Variants in SH3BP5 observed in about 807,000 individuals in gnomAD.
The protein encoded by SH3BP5 is SH3 domain-binding protein 5.
SH3BP5 carries 22 observed loss-of-function variants against 43.3 expected under a neutral mutation model. That is an observed-to-expected ratio of 0.51 (90% CI 0.36 to 0.73). The LOEUF is 0.73. SH3BP5 is among the 30% of genes least tolerant of loss of function. The pLI is 0.00. For synonymous variants in SH3BP5, 255 were observed against 225.8 expected, an observed-to-expected ratio of 1.13 and a Z score of -1.16; for missense variants, 529 against 586.9, an observed-to-expected ratio of 0.90 and a Z score of 1.02.
chr3:15,290,814 A>G (rs1697391731), intron 3 of SH3BP5, among the ~76,000 whole-genome samples: 1 of 152,216 alleles, frequency 6.6e-6, no homozygotes, highest in Non-Finnish European at 1.5e-5. Flanking sequence ...ATGAGAAGGT[A>G]AACTCCCCCC....
At chr3:15,265,998 T>A (rs752114859) in intron 4 of SH3BP5, among the ~76,000 whole-genome samples, 1 of 152,204 alleles carries the variant, frequency 6.6e-6, no homozygotes, top group South Asian at 2.1e-4. Flanking sequence ...ACCGGCTTAG[T>A]AGACATCCAC....
At chr3:15,270,397 C>G (rs1373153958) in intron 3 of SH3BP5, among the ~76,000 whole-genome samples, 1 of 152,174 alleles carries the variant, frequency 6.6e-6, no homozygotes, top group East Asian at 1.9e-4. Flanking sequence ...CAGACTCCAG[C>G]CAGTATGAGT....
chr3:15,264,299 AATGAAG>A (rs1311845003), intron 4 of SH3BP5: 1 of 151,468 alleles, frequency 6.6e-6, no homozygotes, highest in Non-Finnish European at 1.5e-5. Context: ...TTTCCAGAGA[AATGAAG>A]ATGAACTGTG....
chr3:15,256,066 C>T lies in SH3BP5; in HGVS notation c.*20G>A, dbSNP rs143624984. 4.6e-5 allele frequency: 73 copies of T among 1,578,050 alleles called. No individual in the cohort carries two copies. Among genetic ancestry groups the T allele is most frequent in the Middle Eastern group, 3.4e-4 (2 of 5,950 alleles). ...CATGTATAAATGTTGATATGCACATCGGCCAGGGCCCAGGATGAATCAGCC... is the reference window on the plus strand; with the variant it reads ...CATGTATAAATGTTGATATGCACATTGGCCAGGGCCCAGGATGAATCAGCC... On this transcript the variant is annotated 3_prime_UTR_variant, in exon 9 of 9. Transcript: ENST00000383791.
chr3:15,307,127 C>T (rs1343907133), intron 2 of SH3BP5, among the ~76,000 whole-genome samples: 1 of 152,182 alleles, frequency 6.6e-6, no homozygotes, highest in Non-Finnish European at 1.5e-5. Context: ...AAAGCTTTAC[C>T]TCCCATGGGA....
chr3:15,307,754 C>T (rs1464636722), intron 2 of SH3BP5, among the ~76,000 whole-genome samples: 2 of 152,234 alleles, frequency 1.3e-5, no homozygotes, highest in Non-Finnish European at 2.9e-5. Context: ...AAGATGCACT[C>T]GCATGCATGA....
intron 1 of SH3BP5, 121 bp downstream of exon 1, chr3:15,332,150 A>C: frequency 6.9e-7 from 1 of 1,451,582 alleles, no homozygotes; most frequent in Non-Finnish European, 9.3e-7. Context: ...CTGCCACCCT[A>C]TGTGGCCGCC....
At chr3:15,272,918 C>T (rs895588923) in intron 3 of SH3BP5, among the ~76,000 whole-genome samples, 6 of 152,274 alleles carry the variant, frequency 3.9e-5, no homozygotes, top group Non-Finnish European at 7.4e-5. Context: ...TGCCCACCCT[C>T]CCTAGAGCTG....
intron 3 of SH3BP5, among the ~76,000 whole-genome samples, chr3:15,297,602 C>T (rs528364825): frequency 1.3e-5 from 2 of 152,268 alleles, no homozygotes; most frequent in South Asian, 4.1e-4. Flanking sequence ...GGCCCCATGA[C>T]TGACTTTAGC....
Position 15,257,073 on chromosome 3 carries a change from A to G in SH3BP5, c.930T>C (p.Phe310=), listed in dbSNP as rs781148115. ...EAFEDDSCSN[F]VSEDDSETQS... is the part of the protein sequence containing the mutation. The stretch of plus-strand genomic sequence containing the variant: ...GGGTTTCCGAGTCATCTTCAGACAC[A>G]AAGTTGCTACAGCTGTCATCTTCAA... The change falls in exon 8 of 9, where the codon TTT becomes TTC. Residue 310 remains phenylalanine, a synonymous_variant. Coordinates refer to ENST00000383791, the MANE Select transcript of SH3BP5 (RefSeq NM_004844.5). 6.2e-7 allele frequency: 1 copy of G among 1,614,194 alleles called. No homozygotes were observed. Among genetic ancestry groups the G allele is most frequent in the East Asian group, 2.2e-5 (1 of 44,884 alleles).
chr3:15,258,486 T>G (rs1280434656), intron 7 of SH3BP5: 2 of 317,794 alleles, frequency 6.3e-6, no homozygotes, highest in African/African-American at 4.3e-5. Context: ...ACATCATGCC[T>G]TAGTAATGAT....
intron 1 of SH3BP5, among the ~76,000 whole-genome samples, chr3:15,331,115 T>C (rs1206916694): frequency 2.0e-5 from 3 of 152,238 alleles, no homozygotes; most frequent in Non-Finnish European, 2.9e-5. Context: ...TCAATAAACA[T>C]TTACAAACTG....
chr3:15,259,959 C>T (rs549398994), intron 5 of SH3BP5, 156 bp from the exon 6 acceptor site: 4 of 682,820 alleles, frequency 5.9e-6, no homozygotes, highest in South Asian at 3.5e-5. Context: ...CAGTGATGCT[C>T]CTAGCTCTGG....
rs373879792 is a variant in SH3BP5 at position 15,320,640 on chromosome 3, A to ACACACACC, written c.201+9863_201+9864insGGTGTGTG. Among the ~76,000 whole-genome samples the ACACACACC allele has an allele frequency of 2.7e-3, 407 of 149,650 alleles. 2 individuals are homozygous for ACACACACC. The highest frequency in any genetic ancestry group is 8.4e-3 in the African/African-American group (339 of 40,302). ...CACACACACACACACACACACACAC[A>ACACACACC]CCCCACTACGTTAAAGTCCCTACAA... On this transcript the variant is annotated intron_variant, in intron 2 of 8. Transcript: ENST00000383791.
chr3:15,330,700 G>C lies in SH3BP5; in HGVS notation c.139-134C>G, dbSNP rs572141174. On this transcript the variant is annotated intron_variant, in intron 1 of 8. Coordinates refer to ENST00000383791, the MANE Select transcript of SH3BP5 (RefSeq NM_004844.5). ...GGGAAGAATCAGAATTAATTCTTAC[G>C]GCAAACAGTTGAGGCTTGACTAGAA... 28 of 1,401,584 alleles carry C rather than the reference G, an allele frequency of 2.0e-5. No homozygotes were observed. In the African/African-American group the frequency reaches 4.1e-4, roughly 21 times the overall value. The allele number at this position is 1,401,584 out of a possible 1,614,324, so 86.8% of individuals were successfully genotyped here. A position where few individuals can be genotyped will look rare whatever the true frequency, so the allele number is the denominator to read the frequency against.
chr3:15,276,019 C>CAAAAAAAAAAA lies in SH3BP5; in HGVS notation c.331-6153_331-6143dup, dbSNP rs35756562. On this transcript the variant is annotated intron_variant, in intron 3 of 8. Transcript: ENST00000383791. ...TGGGCAACAAAGTGAGACTCTGTCT[C>CAAAAAAAAAAA]AAAAAAAAAAAAAAAAAAAAAAGCC... The CAAAAAAAAAAA allele has an allele frequency of 4.5e-5, 3 of 66,180 alleles. 1 individual carries two copies. The highest frequency in any genetic ancestry group is 1.3e-4 in the African/African-American group (2 of 14,860). 4.1% of individuals were successfully genotyped at this position (66,180 alleles called of 1,614,324 possible). A position where few individuals can be genotyped will look rare whatever the true frequency, so the allele number is the denominator to read the frequency against.
intron 2 of SH3BP5, among the ~76,000 whole-genome samples, chr3:15,315,337 C>T (rs1039300106): frequency 6.6e-6 from 1 of 152,170 alleles, no homozygotes; most frequent in Non-Finnish European, 1.5e-5. Flanking sequence ...GGTTGTGGGA[C>T]AAAATGCAGA....
rs1449186066 is a variant in SH3BP5, at chr3:15,255,090, T to C, written c.*996A>G. The C allele has an allele frequency of 6.6e-6, 1 of 152,640 alleles. No individual in the cohort carries two copies. Among genetic ancestry groups the C allele is most frequent in the African/African-American group, 2.4e-5 (1 of 41,456 alleles). The allele number at this position is 152,640 out of a possible 1,614,324, so 9.5% of individuals were successfully genotyped here. A position where few individuals can be genotyped will look rare whatever the true frequency, so the allele number is the denominator to read the frequency against. ...ACAGTGCTCTAAATATGCATTACCA[T>C]GAAAACGTTAAAGAAAAGCAGTCTT... On this transcript the variant is annotated 3_prime_UTR_variant, in exon 9 of 9. Transcript: ENST00000383791.
chr3:15,259,260 C>G (rs373427188), intron 6 of SH3BP5: 35 of 599,834 alleles, frequency 5.8e-5, no homozygotes, highest in East Asian at 3.3e-4. Flanking sequence ...CAGGTGACAA[C>G]CTCTAATATC....
Sources: gnomAD v4.1 joint callset for allele counts (sites outside exome capture counted in the v4.1 genomes callset) on GRCh38, gnomAD v4.1.1 for gene constraint, MANE v1.5 for transcripts, NCBI Gene and HGNC (gene_info 2026-07-23, HGNC 2026-07-21) for gene names.